The following SPIDR variants were observed in gnomAD, a reference collection of about 807,000 sequenced individuals.
SPIDR encodes the protein DNA repair-scaffolding protein.
In SPIDR, 93 loss-of-function variants were observed where a neutral mutation model predicts 104.6. The observed-to-expected ratio is 0.89, with a 90% confidence interval of 0.75 to 1.06. SPIDR has a LOEUF of 1.06. Among genes scored for constraint, SPIDR ranks in the 50% least tolerant of loss-of-function variants. The probability of loss-of-function intolerance (pLI) is 0.00; values close to 1 mark genes in which losing one functional copy is unlikely to be tolerated. For missense variants in SPIDR, 1,154 were observed against 1,111.2 expected (o/e 1.04, Z -0.55); for synonymous variants, 431 against 416.9 (o/e 1.03, Z -0.41).
intron 11 of SPIDR, among the ~76,000 whole-genome samples, chr8:47,684,195 A>C (rs2077460631): frequency 6.6e-6 from 1 of 152,016 alleles, no homozygotes; most frequent in Non-Finnish European, 1.5e-5. Context: ...AAACTGTTAA[A>C]ATTTTTTCTT....
intron 8 of SPIDR, among the ~76,000 whole-genome samples, chr8:47,590,713 T>C (rs2060902906): frequency 6.6e-6 from 1 of 152,230 alleles, no homozygotes; most frequent in African/African-American, 2.4e-5. Context: ...TCTGATATTC[T>C]CTCTAGTTCT....
chr8:47,298,960 C>T (rs1554574947), intron 5 of SPIDR, among the ~76,000 whole-genome samples: 2,390 of 152,180 alleles, frequency 0.016, 21 homozygotes, highest in Non-Finnish European at 0.024. Flanking sequence ...TCCATATGAA[C>T]TTTAAAGTAG....
intron 14 of SPIDR, among the ~76,000 whole-genome samples, chr8:47,710,280 C>T (rs930467891): frequency 1.3e-5 from 2 of 151,696 alleles, no homozygotes; most frequent in African/African-American, 4.8e-5. Flanking sequence ...TTCATAACCC[C>T]AATAGTAGAG....
Position 47,291,123 on chromosome 8 carries a change from C to A in SPIDR, c.347C>A (p.Ser116Tyr). 2 of 1,612,074 alleles carry A rather than the reference C, an allele frequency of 1.2e-6. No individual in the cohort carries two copies. The highest frequency in any genetic ancestry group is 1.7e-6 in the Non-Finnish European group (2 of 1,178,614). ...SDLSDEDKTLSQLQRDELQFI... is the reference protein window; with the variant it reads ...SDLSDEDKTLYQLQRDELQFI... ...TTGTCGGATGAAGATAAGACACTTT[C>A]TCAGTTACAGAGAGGTAATGGACAT... The change falls in exon 4 of 20, where the codon TCT becomes TAT. Residue 116 changes from serine (S) to tyrosine (Y), a missense_variant. By Grantham distance (144) the Ser-to-Tyr change is moderately radical. Transcript: ENST00000297423.
chr8:47,693,280 T>C (rs984187554), intron 11 of SPIDR, among the ~76,000 whole-genome samples: 5 of 152,242 alleles, frequency 3.3e-5, no homozygotes, highest in African/African-American at 7.2e-5. Context: ...CTAAACTGTG[T>C]CACCAACTAG....
chr8:47,509,764 A>C (rs879780088), intron 8 of SPIDR, among the ~76,000 whole-genome samples: 9 of 152,240 alleles, frequency 5.9e-5, no homozygotes, highest in Non-Finnish European at 1.0e-4. Flanking sequence ...AACTAGGTCT[A>C]CAACGTATAT....
chr8:47,735,887 T>C lies in SPIDR; in HGVS notation c.*437T>C. On this transcript the variant is annotated 3_prime_UTR_variant, in exon 20 of 20. Coordinates refer to ENST00000297423, the MANE Select transcript of SPIDR (RefSeq NM_001080394.4). Reference sequence around the variant, plus strand: ...TTTGTCCCATACTGTGATATTACTGTTCTGCTACAATAAATGTCAAACCTA... The same window carrying C: ...TTTGTCCCATACTGTGATATTACTGCTCTGCTACAATAAATGTCAAACCTA... 1 of 276,772 alleles carries C rather than the reference T, an allele frequency of 3.6e-6. No individual in the cohort carries two copies. The highest frequency in any genetic ancestry group is 7.0e-6 in the Non-Finnish European group (1 of 142,858). The allele number at this position is 276,772 out of a possible 1,614,324, so 17.1% of individuals were successfully genotyped here.
At chr8:47,451,798 G>A (rs1428270789) in intron 8 of SPIDR, among the ~76,000 whole-genome samples, 1 of 152,118 alleles carries the variant, frequency 6.6e-6, no homozygotes, top group Non-Finnish European at 1.5e-5. Context: ...AGAGAAGAGA[G>A]GGAGGAAACA....
At chr8:47,312,480 GC>G (rs1189212571) in intron 5 of SPIDR, among the ~76,000 whole-genome samples, 1 of 152,168 alleles carries the variant, frequency 6.6e-6, no homozygotes, top group Non-Finnish European at 1.5e-5. Context: ...GTGATGGTGA[GC>G]ATTTTTTCAT....
chr8:47,728,057 C>G (rs1417428140), intron 17 of SPIDR, among the ~76,000 whole-genome samples: 1 of 151,490 alleles, frequency 6.6e-6, no homozygotes, highest in Non-Finnish European at 1.5e-5. Context: ...TCAGAGGTTG[C>G]AGTGAGCCGA....
intron 5 of SPIDR, among the ~76,000 whole-genome samples, chr8:47,312,267 T>A (rs1473686180): frequency 6.6e-6 from 1 of 152,154 alleles, no homozygotes; most frequent in Admixed American, 6.5e-5. Context: ...ATGGTATTTC[T>A]AGTTCTAGAT....
At chr8:47,726,806 T>C (rs1335680458) in intron 16 of SPIDR, among the ~76,000 whole-genome samples, 1 of 152,080 alleles carries the variant, frequency 6.6e-6, no homozygotes, top group Non-Finnish European at 1.5e-5. Flanking sequence ...TAATCATAGC[T>C]CAAACACTCA....
chr8:47,649,823 G>T (rs1293240922), intron 10 of SPIDR, among the ~76,000 whole-genome samples: 1 of 152,020 alleles, frequency 6.6e-6, no homozygotes, highest in African/African-American at 2.4e-5. Flanking sequence ...CAATAAATAT[G>T]ATACATCACA....
intron 8 of SPIDR, among the ~76,000 whole-genome samples, chr8:47,529,625 G>A (rs2085596176): frequency 6.6e-6 from 1 of 151,806 alleles, no homozygotes; most frequent in African/African-American, 2.4e-5. Context: ...AAATAATATA[G>A]ATCAGAAATT....
At position 47,700,496 on chromosome 8, in the gene SPIDR, C is replaced by T. The variant is rs1426699699; in HGVS notation, c.1773+6C>T. On this transcript the variant is annotated splice_donor_region_variant and intron_variant, in intron 12 of 19. Coordinates refer to ENST00000297423, the MANE Select transcript of SPIDR (RefSeq NM_001080394.4). ...GCGACCAGCCCTGTGAAGAGGTAAG[C>T]CCGGCACTGGAAAAACTTCCCCAGT... 1 of 1,614,182 alleles carries T rather than the reference C, an allele frequency of 6.2e-7. No individual in the cohort carries two copies. Among genetic ancestry groups the T allele is most frequent in the East Asian group, 2.2e-5 (1 of 44,886 alleles).
At chr8:47,725,393 TTTTG>T (rs1226482143) in intron 16 of SPIDR, among the ~76,000 whole-genome samples, 1 of 151,340 alleles carries the variant, frequency 6.6e-6, no homozygotes, top group Non-Finnish European at 1.5e-5. Context: ...TGTCTTTTGT[TTTTG>T]TTTTTGTTTT....
chr8:47,430,929 C>T (rs1334772914), intron 7 of SPIDR, among the ~76,000 whole-genome samples: 4 of 152,154 alleles, frequency 2.6e-5, no homozygotes, highest in Admixed American at 6.5e-5. Context: ...CTCGTATTCT[C>T]GATACTCAGA....
At chr8:47,544,241 ATTGT>A (rs1192130520) in intron 8 of SPIDR, among the ~76,000 whole-genome samples, 1 of 151,474 alleles carries the variant, frequency 6.6e-6, no homozygotes, top group African/African-American at 2.4e-5. Context: ...TTCTAATTGG[ATTGT>A]TTGCTATTTT....
At position 47,508,085 on chromosome 8, in the gene SPIDR, C is replaced by G. The variant is rs2081749758; in HGVS notation, c.1097+67543C>G. On this transcript the variant is annotated intron_variant, in intron 8 of 19. Transcript: ENST00000297423. ...AGACTGGAGGAATGTGTTCTCTGCC[C>G]TCCTGCAAATACTTGCCTTAACAAG... Among the ~76,000 whole-genome samples, 5 of 152,334 alleles carry G rather than the reference C, an allele frequency of 3.3e-5. No individual in the cohort carries two copies. In the South Asian group the frequency reaches 1.0e-3, roughly 32 times the overall value.
Sources: allele counts gnomAD v4.1 joint callset (sites outside exome capture counted in the v4.1 genomes callset), GRCh38; gene constraint gnomAD v4.1.1; transcripts MANE v1.5; gene names NCBI Gene and HGNC (gene_info 2026-07-23, HGNC 2026-07-21).